POLR3H: variants seen among roughly 807,000 people sequenced by gnomAD.
POLR3H encodes the protein DNA-directed RNA polymerase III subunit RPC8.
POLR3H carries 17 observed loss-of-function variants against 25.5 expected under a neutral mutation model. The observed-to-expected ratio is 0.67, with a 90% CI of 0.46 to 1.00. The LOEUF (loss-of-function observed/expected upper bound fraction) is 1.00. Among genes scored for constraint, POLR3H ranks in the 50% least tolerant of loss-of-function variants. The pLI, the probability that POLR3H is intolerant of heterozygous loss-of-function variation, is 0.00. For missense variants in POLR3H, 274 were observed against 265.0 expected, an observed-to-expected ratio of 1.03 and a Z score of -0.24; for synonymous variants, 129 against 103.0, an observed-to-expected ratio of 1.25 and a Z score of -1.53.
chr22:41,534,156 C>G (rs1270431860), intron 2 of POLR3H, among the ~76,000 whole-genome samples: 1 of 151,846 alleles, frequency 6.6e-6, no homozygotes, highest in Non-Finnish European at 1.5e-5. Context: ...AAAAACTTCA[C>G]AGAGCCTGCA....
Position 41,528,135 on chromosome 22 carries a change from G to T in POLR3H, c.*1148C>A. On this transcript the variant is annotated 3_prime_UTR_variant, in exon 6 of 6. Coordinates refer to ENST00000355209, the MANE Select transcript of POLR3H (RefSeq NM_001018050.4). ...CAGGAGGCTTCATTCCAGCTGGAAA[G>T]GCCCCCAGTTCTCCAGGTGGCCCCA... 6.7e-7 allele frequency: 1 copy of T among 1,492,376 alleles called. No individual in the cohort carries two copies. The allele number at this position is 1,492,376 out of a possible 1,614,324, so 92.4% of individuals were successfully genotyped here.
intron 4 of POLR3H, 91 bp from the exon 5 acceptor site, chr22:41,530,979 CAG>C (rs2066719833): frequency 3.2e-6 from 4 of 1,249,052 alleles, no homozygotes; most frequent in Non-Finnish European, 4.6e-6. Flanking sequence ...AAACCAATCT[CAG>C]GGTGAGATCA....
At chr22:41,534,823 G>A (rs1281438811) in intron 2 of POLR3H, among the ~76,000 whole-genome samples, 1 of 151,728 alleles carries the variant, frequency 6.6e-6, no homozygotes, top group East Asian at 1.9e-4. Flanking sequence ...GAAACCAGGA[G>A]GCAGAGGTTA....
chr22:41,537,965 ATT>A (rs564442384), intron 2 of POLR3H, among the ~76,000 whole-genome samples: 30 of 127,674 alleles, frequency 2.3e-4, no homozygotes, highest in East Asian at 6.8e-4. Context: ...GACCTGGCTA[ATT>A]TTTTTTTTTT....
At chr22:41,540,144 T>G (rs967141938) in intron 2 of POLR3H, 1 of 214,492 alleles carries the variant, frequency 4.7e-6, no homozygotes. Flanking sequence ...GGCCACACTC[T>G]TACCTACTGT....
At chr22:41,533,290 C>T (rs920744254) in intron 2 of POLR3H, among the ~76,000 whole-genome samples, 2 of 152,208 alleles carry the variant, frequency 1.3e-5, no homozygotes, top group East Asian at 3.9e-4. Flanking sequence ...GTGCCCACAT[C>T]GCACACTCTG....
chr22:41,531,386 C>G (rs1415418255), intron 4 of POLR3H, among the ~76,000 whole-genome samples: 3 of 152,210 alleles, frequency 2.0e-5, no homozygotes, highest in Non-Finnish European at 2.9e-5. Flanking sequence ...CTAACACATC[C>G]TGGAGTCACA....
chr22:41,536,132 C>G (rs1264982320), intron 2 of POLR3H, among the ~76,000 whole-genome samples: 1 of 151,290 alleles, frequency 6.6e-6, no homozygotes, highest in East Asian at 2.0e-4. Flanking sequence ...GTGGCTCACG[C>G]CTGTAATCCC....
chr22:41,533,353 C>T (rs73887739), intron 2 of POLR3H, among the ~76,000 whole-genome samples: 1,793 of 152,294 alleles, frequency 0.012, 39 homozygotes, highest in African/African-American at 0.041. Flanking sequence ...GGCCCTTGCT[C>T]GAAGCCCCAA....
rs2066768873 is a variant in POLR3H, at chr22:41,532,876, C to G, written c.209-131G>C. 5 of 911,404 alleles carry G rather than the reference C, an allele frequency of 5.5e-6. No homozygotes were observed. The East Asian group carries it at 1.4e-4, about 26-fold the overall frequency. The allele number at this position is 911,404 out of a possible 1,614,324, so 56.5% of individuals were successfully genotyped here. On this transcript the variant is annotated intron_variant, in intron 2 of 5. Coordinates refer to ENST00000355209, the MANE Select transcript of POLR3H (RefSeq NM_001018050.4). ...CCACATCCCCCTGCAAGCCTAGACCCTCCCTTTGTCTCCTGCAAGTTCACA... is the reference window on the plus strand; with the variant it reads ...CCACATCCCCCTGCAAGCCTAGACCGTCCCTTTGTCTCCTGCAAGTTCACA...
rs760547272 is a variant in POLR3H, at chr22:41,530,886, T to C, written c.362A>G (p.Asp121Gly). 6.2e-7 allele frequency: 1 copy of C among 1,613,654 alleles called. No individual in the cohort carries two copies. Among genetic ancestry groups the C allele is most frequent in the Admixed American group, 1.7e-5 (1 of 60,024 alleles). The change falls in exon 5 of 6, where the codon GAC (aspartate) becomes GGC (glycine). Residue 121 changes from aspartate to glycine, a missense_variant and splice_region_variant. By Grantham distance (94) the Asp-to-Gly change is moderately conservative. Coordinates refer to ENST00000355209, the MANE Select transcript of POLR3H (RefSeq NM_001018050.4). ...PESLQQPAKF[D>G]EAEQVWVWEY... ...CCACACCCACACCTGCTCCGCTTCG[T>C]CGCTGAGGGGGTCCAGGGTCAAGGC...
At position 41,528,752 on chromosome 22, in the gene POLR3H, G is replaced by C. The variant is rs1053429093; in HGVS notation, c.*531C>G. ...GCTTCCTGCTCCCCGCTTAGCCCAC[G>C]GAGTGACTGTGGTTGTGGTGGGGGG... is the stretch of plus-strand genomic sequence containing the variant. On this transcript the variant is annotated 3_prime_UTR_variant, in exon 6 of 6. Transcript: ENST00000355209. 2.4e-6 allele frequency: 3 copies of C among 1,260,532 alleles called. No homozygotes were observed. Among genetic ancestry groups the C allele is most frequent in the African/African-American group, 3.0e-5 (2 of 66,042 alleles). The allele number at this position is 1,260,532 out of a possible 1,614,324, so 78.1% of individuals were successfully genotyped here.
In POLR3H at chr22:41,532,243, C is replaced by T. The variant is rs963101231; in HGVS notation, c.296-86G>A. The stretch of plus-strand genomic sequence containing the variant: ...CGGGGTCTTATGCTTGACAGGCAAG[C>T]CCTGCCTGGGGCTGCCCACGAGGCG... On this transcript the variant is annotated intron_variant, in intron 3 of 5. Coordinates refer to ENST00000355209, the MANE Select transcript of POLR3H (RefSeq NM_001018050.4). 1.6e-5 allele frequency: 22 copies of T among 1,366,966 alleles called. No homozygotes were observed. The African/African-American group carries it at 2.7e-4, about 17-fold the overall frequency. The allele number at this position is 1,366,966 out of a possible 1,614,324, so 84.7% of individuals were successfully genotyped here.
At chr22:41,544,567 T>C (rs1215854479), upstream of POLR3H, 2 of 153,424 alleles carry the variant, frequency 1.3e-5, no homozygotes, top group Non-Finnish European at 2.9e-5. Flanking sequence ...GCTGCCTGTG[T>C]GCTCGCGCAC....
intron 4 of POLR3H, 85 bp downstream of exon 4, chr22:41,532,009 C>G: frequency 3.1e-6 from 4 of 1,306,350 alleles, no homozygotes; most frequent in South Asian, 2.4e-5. Flanking sequence ...GTTACAGGCC[C>G]CAAAGGCCAC....
intron 1 of POLR3H, among the ~76,000 whole-genome samples, chr22:41,543,037 A>C (rs570238666): frequency 6.6e-6 from 1 of 152,258 alleles, no homozygotes; most frequent in South Asian, 2.1e-4. Context: ...AAATTATGGG[A>C]CATCTACTCC....
Position 41,527,699 on chromosome 22 carries a change from G to A in POLR3H, c.*1584C>T. On this transcript the variant is annotated 3_prime_UTR_variant, in exon 6 of 6. Coordinates refer to ENST00000355209, the MANE Select transcript of POLR3H (RefSeq NM_001018050.4). ...CTGATCATGAATGTGCAGCAGGAAG[G>A]CCTCGCAGACCTCAGCACCAGCGCA... 1.2e-6 allele frequency: 1 copy of A among 845,730 alleles called. No individual in the cohort carries two copies. The highest frequency in any genetic ancestry group is 1.8e-6 in the Non-Finnish European group (1 of 557,020). The allele number at this position is 845,730 out of a possible 1,614,324, so 52.4% of individuals were successfully genotyped here.
chr22:41,529,300 A>G lies in POLR3H; in HGVS notation c.598T>C (p.Trp200Arg), dbSNP rs771959676. 1.9e-6 allele frequency: 3 copies of G among 1,613,702 alleles called. No individual in the cohort carries two copies. The highest frequency in any genetic ancestry group is 4.5e-5 in the East Asian group (2 of 44,894). ...CCCCAGGGCTAGTTGCTGGTCCACC[A>G]GGAGAGAAGGCCCAGGCCTGGCTCA... ...ISEPGLGLLS[W>R]WTSN The change falls in exon 6 of 6, where the codon TGG becomes CGG. Residue 200 changes from tryptophan to arginine, a missense_variant. Physicochemically the swap from Trp to Arg is moderately radical, Grantham distance 101 (BLOSUM62 -3). Transcript: ENST00000355209.
chr22:41,533,799 A>G, intron 2 of POLR3H: 1 of 914,436 alleles, frequency 1.1e-6, no homozygotes, highest in Admixed American at 2.5e-5. Flanking sequence ...GCACAGATGG[A>G]AAAACCCTGT....
Sources: allele counts gnomAD v4.1 joint callset (sites outside exome capture counted in the v4.1 genomes callset), GRCh38; gene constraint gnomAD v4.1.1; transcripts MANE v1.5; gene names NCBI Gene and HGNC (gene_info 2026-07-23, HGNC 2026-07-21).